Variants in TCERG1L observed in about 807,000 individuals in gnomAD.
The protein encoded by TCERG1L is transcription elongation regulator 1 like.
Under a neutral mutation model 56.3 loss-of-function variants are expected in TCERG1L, and 37 were observed. The ratio of observed to expected loss-of-function variants is 0.66; its 90% CI spans 0.51 to 0.87. TCERG1L has a LOEUF of 0.87. Among genes scored for constraint, TCERG1L ranks in the 40% least tolerant of loss-of-function variants. The pLI is 0.00. For synonymous variants in TCERG1L, 324 were observed against 326.3 expected (o/e 0.99, Z 0.08); for missense variants, 799 against 774.2 (o/e 1.03, Z -0.38).
intron 10 of TCERG1L, 136 bp from the exon 11 acceptor site, chr10:131,098,560 G>A (rs1845272974): frequency 8.0e-6 from 9 of 1,129,398 alleles, no homozygotes; most frequent in Non-Finnish European, 7.3e-6. Context: ...CTGGAGTTAT[G>A]AGCAACAGCC....
chr10:131,250,725 G>A (rs1037269165), intron 4 of TCERG1L, among the ~76,000 whole-genome samples: 17 of 152,154 alleles, frequency 1.1e-4, no homozygotes, highest in Non-Finnish European at 1.9e-4. Context: ...GGAGCCCAGC[G>A]CCCTGTTAGT....
intron 4 of TCERG1L, among the ~76,000 whole-genome samples, chr10:131,187,962 G>A (rs1047523043): frequency 6.6e-6 from 1 of 152,208 alleles, no homozygotes; most frequent in Non-Finnish European, 1.5e-5. Flanking sequence ...GGGTAGATTT[G>A]GAGCTGAGTC....
In TCERG1L at chr10:131,118,632, A is replaced by AC. The variant is rs1428977938; in HGVS notation, c.1260-1699dup. Among the ~76,000 whole-genome samples, 1 of 151,170 alleles carries AC rather than the reference A, an allele frequency of 6.6e-6. No homozygotes were observed. Among genetic ancestry groups the AC allele is most frequent in the Non-Finnish European group, 1.5e-5 (1 of 67,776 alleles). On this transcript the variant is annotated intron_variant, in intron 8 of 11. Coordinates refer to ENST00000368642, the MANE Select transcript of TCERG1L (RefSeq NM_174937.4). This position sits in a 1 kb window ranked among gnomAD's most constrained non-coding sequence, Gnocchi z 4.2. ...ATCTGCTGAGGTTGGTTCAGCCAAAACCCCCCGATCCCTGAGGTCTGCTCT... is the reference window on the plus strand; with the variant it reads ...ATCTGCTGAGGTTGGTTCAGCCAAAACCCCCCCGATCCCTGAGGTCTGCTCT...
intron 7 of TCERG1L, among the ~76,000 whole-genome samples, chr10:131,136,001 G>T (rs568910662): frequency 6.6e-6 from 1 of 152,214 alleles, no homozygotes; most frequent in East Asian, 1.9e-4. Context: ...CCTGGGGGCC[G>T]CCCTGTGCCC....
rs1264120808 is a variant in TCERG1L, at chr10:131,093,334, T to C, written c.1605-16A>G. On this transcript the variant is annotated splice_polypyrimidine_tract_variant and intron_variant, in intron 11 of 11. Transcript: ENST00000368642. The stretch of plus-strand genomic sequence containing the variant: ...AAACGTGGTCCTGAAAAAGAAAGAG[T>C]TTCCTGAGACACCTTCCAGAGAGCA... 1.2e-6 allele frequency: 2 copies of C among 1,610,780 alleles called. No homozygotes were observed. The highest frequency in any genetic ancestry group is 2.7e-5 in the African/African-American group (2 of 74,396).
At chr10:131,126,697 G>A (rs1202612182) in intron 8 of TCERG1L, among the ~76,000 whole-genome samples, 2 of 152,334 alleles carry the variant, frequency 1.3e-5, no homozygotes, top group South Asian at 2.1e-4. Context: ...TTCTGCACCT[G>A]TAACTTGTGC....
chr10:131,173,864 G>A (rs1846117687), intron 4 of TCERG1L, among the ~76,000 whole-genome samples: 1 of 152,190 alleles, frequency 6.6e-6, no homozygotes, highest in Non-Finnish European at 1.5e-5. Flanking sequence ...AAATCCCGCT[G>A]GTGAGGAGCT....
chr10:131,132,740 C>T (rs1845631460), intron 8 of TCERG1L, among the ~76,000 whole-genome samples: 1 of 152,218 alleles, frequency 6.6e-6, no homozygotes, highest in South Asian at 2.1e-4. Flanking sequence ...GCTCCTTGTC[C>T]ATCCCCTGTG....
chr10:131,209,356 T>C (rs1426590105), intron 4 of TCERG1L, among the ~76,000 whole-genome samples: 1 of 152,196 alleles, frequency 6.6e-6, no homozygotes. Context: ...AGTCATTAAA[T>C]AGAAACGTGG....
intron 10 of TCERG1L, among the ~76,000 whole-genome samples, chr10:131,100,086 C>A (rs968889299): frequency 6.6e-6 from 1 of 152,090 alleles, no homozygotes; most frequent in East Asian, 1.9e-4. Flanking sequence ...AGCCTGGTTG[C>A]GAACTCCTGA....
chr10:131,219,009 A>G (rs1445699878), intron 4 of TCERG1L, among the ~76,000 whole-genome samples: 2 of 152,024 alleles, frequency 1.3e-5, no homozygotes, highest in African/African-American at 4.8e-5. Flanking sequence ...CCTCCTGGGC[A>G]CTGGTCACCA....
At chr10:131,250,553 A>T (rs549724945) in intron 4 of TCERG1L, among the ~76,000 whole-genome samples, 1 of 152,156 alleles carries the variant, frequency 6.6e-6, no homozygotes, top group Admixed American at 6.5e-5. Context: ...GGAGACACAC[A>T]TGGGTTGTGA....
intron 4 of TCERG1L, among the ~76,000 whole-genome samples, chr10:131,196,060 C>T (rs1341688102): frequency 2.0e-5 from 3 of 152,230 alleles, no homozygotes; most frequent in African/African-American, 4.8e-5. Context: ...ACCCCCATTG[C>T]CAGCAGCCCC....
Position 131,098,812 on chromosome 10 carries a change from G to A in TCERG1L, c.1486-388C>T, listed in dbSNP as rs1047365920. ...GTGCCCTCTGAGCAGCATCTGTAAC[G>A]CGCGGCCTCCCACTGCCTCATCACG... is the stretch of plus-strand genomic sequence containing the variant. On this transcript the variant is annotated intron_variant, in intron 10 of 11. Transcript: ENST00000368642. Among the ~76,000 whole-genome samples, 4 of 152,176 alleles carry A rather than the reference G, an allele frequency of 2.6e-5. No homozygotes were observed. In the South Asian group the frequency reaches 6.2e-4, roughly 24 times the overall value.
intron 3 of TCERG1L, among the ~76,000 whole-genome samples, chr10:131,307,664 T>G (rs763211867): frequency 3.3e-5 from 5 of 152,192 alleles, no homozygotes; most frequent in Non-Finnish European, 7.3e-5. Context: ...TAGGCATTGT[T>G]TCATGGGAGT....
chr10:131,263,935 T>C (rs1846258485), intron 3 of TCERG1L, among the ~76,000 whole-genome samples: 1 of 152,048 alleles, frequency 6.6e-6, no homozygotes, highest in East Asian at 1.9e-4. Context: ...AAGTCCTTGC[T>C]GGGAAGTTAT....
chr10:131,259,297 T>C (rs1188994972), intron 4 of TCERG1L, among the ~76,000 whole-genome samples: 4 of 152,208 alleles, frequency 2.6e-5, no homozygotes, highest in Admixed American at 2.0e-4. Flanking sequence ...CACAGTCTAG[T>C]GATACATTTC....
intron 4 of TCERG1L, among the ~76,000 whole-genome samples, chr10:131,238,178 C>T (rs899196967): frequency 8.0e-5 from 12 of 150,382 alleles, no homozygotes; most frequent in African/African-American, 2.9e-4. Context: ...GGCCCACAGA[C>T]CTGGGTCCGC....
Position 131,163,102 on chromosome 10 carries a change from C to T in TCERG1L, c.1034+20G>A, listed in dbSNP as rs375514917. ...AGACAACGCCATTGCTAGTGGCTCT[C>T]AGGCTTTGGGGTGTCTTACCAGGGG... On this transcript the variant is annotated intron_variant, in intron 6 of 11. Coordinates refer to ENST00000368642, the MANE Select transcript of TCERG1L (RefSeq NM_174937.4). 9.1e-6 allele frequency: 14 copies of T among 1,532,954 alleles called. No homozygotes were observed. The highest frequency in any genetic ancestry group is 1.7e-6 in the Non-Finnish European group (2 of 1,143,264). The allele number at this position is 1,532,954 out of a possible 1,614,324, so 95.0% of individuals were successfully genotyped here. A position where few individuals can be genotyped will look rare whatever the true frequency, so the allele number is the denominator to read the frequency against.
Sources: gnomAD v4.1 joint callset for allele counts (sites outside exome capture counted in the v4.1 genomes callset) on GRCh38, gnomAD v4.1.1 for gene constraint, Gnocchi (gnomAD v3.1) non-coding constraint, MANE v1.5 for transcripts, NCBI Gene and HGNC (gene_info 2026-07-23, HGNC 2026-07-21) for gene names.